RAP1GDS1: variants seen among roughly 807,000 people sequenced by gnomAD.
RAP1GDS1 encodes the protein RAP1, GTP-GDP dissociation stimulator 1.
In RAP1GDS1, 35 loss-of-function variants were observed where a neutral mutation model predicts 71.1. That is an observed-to-expected ratio of 0.49 (90% CI 0.38 to 0.65). The LOEUF is 0.65. RAP1GDS1 is among the 30% of genes least tolerant of loss of function. The pLI is 0.00. For missense variants in RAP1GDS1, 663 were observed against 706.1 expected, an observed-to-expected ratio of 0.94 and a Z score of 0.69; for synonymous variants, 229 against 243.1, an observed-to-expected ratio of 0.94 and a Z score of 0.54.
chr4:98,332,973 G>A lies in RAP1GDS1; in HGVS notation c.113-10166G>A, dbSNP rs544280336. Among the ~76,000 whole-genome samples the A allele has an allele frequency of 2.0e-5, 3 of 152,158 alleles. No individual in the cohort carries two copies. The South Asian group carries it at 6.2e-4, about 32-fold the overall frequency. ...GCATAGACCTTTGACAACATGCTTA[G>A]ACTTTTTGTTTTGTCCTATATGTCC... On this transcript the variant is annotated intron_variant, in intron 2 of 14. Coordinates refer to ENST00000408927, the MANE Select transcript of RAP1GDS1 (RefSeq NM_001100427.2).
At position 98,410,345 on chromosome 4, in the gene RAP1GDS1, G is replaced by A. The variant is rs79409977; in HGVS notation, c.763+5743G>A. On this transcript the variant is annotated intron_variant, in intron 7 of 14. Coordinates refer to ENST00000408927, the MANE Select transcript of RAP1GDS1 (RefSeq NM_001100427.2). ...ATAGATATGAAAATGTTCACTCTTA[G>A]GTAACACAAAATAAAACCACAATAA... Among the ~76,000 whole-genome samples, 1,389 of 152,120 alleles carry A rather than the reference G, an allele frequency of 9.1e-3. 23 individuals are homozygous for A. Among genetic ancestry groups the A allele is most frequent in the African/African-American group, 0.032 (1,319 of 41,504 alleles).
At chr4:98,321,934 G>A (rs374634593) in intron 2 of RAP1GDS1, among the ~76,000 whole-genome samples, 1 of 10,944 alleles carries the variant, frequency 9.1e-5, no homozygotes, top group Non-Finnish European at 2.0e-4. Context: ...AACTTTAAAT[G>A]TAAATGGACT....
intron 4 of RAP1GDS1, among the ~76,000 whole-genome samples, chr4:98,375,679 A>G (rs1047767825): frequency 9.9e-5 from 15 of 152,176 alleles, no homozygotes; most frequent in African/African-American, 3.6e-4. Flanking sequence ...ACAAAGTCCA[A>G]CGTATGTGTG....
intron 1 of RAP1GDS1, among the ~76,000 whole-genome samples, chr4:98,279,272 A>AT (rs1724701393): frequency 6.6e-6 from 1 of 151,910 alleles, no homozygotes. Context: ...GGGCCACTAT[A>AT]TTTTTTCTAA....
chr4:98,337,213 G>A (rs1734831239), intron 2 of RAP1GDS1, among the ~76,000 whole-genome samples: 1 of 152,048 alleles, frequency 6.6e-6, no homozygotes, highest in Non-Finnish European at 1.5e-5. Flanking sequence ...GTTTCAGCCT[G>A]CTTCATTCTT....
At chr4:98,281,572 C>A (rs1393569922) in intron 1 of RAP1GDS1, among the ~76,000 whole-genome samples, 1 of 152,158 alleles carries the variant, frequency 6.6e-6, no homozygotes, top group African/African-American at 2.4e-5. Flanking sequence ...AATTTGACTT[C>A]CTCTTTTCCT....
intron 2 of RAP1GDS1, among the ~76,000 whole-genome samples, chr4:98,335,611 ACTTAT>A (rs767748373): frequency 6.6e-6 from 1 of 152,052 alleles, no homozygotes; most frequent in Non-Finnish European, 1.5e-5. Flanking sequence ...TTTTAAAAAA[ACTTAT>A]CTTTGAATGT....
At chr4:98,349,586 G>A (rs537461259) in intron 3 of RAP1GDS1, among the ~76,000 whole-genome samples, 26 of 152,186 alleles carry the variant, frequency 1.7e-4, no homozygotes, top group African/African-American at 6.0e-4. Flanking sequence ...ATACTGATTC[G>A]TCCTATCCAC....
At chr4:98,347,347 A>G (rs900441332) in intron 3 of RAP1GDS1, among the ~76,000 whole-genome samples, 3 of 152,226 alleles carry the variant, frequency 2.0e-5, no homozygotes, top group African/African-American at 4.8e-5. Context: ...TAAATTTACA[A>G]AAGAATAAAA....
chr4:98,345,375 A>C (rs982647432), intron 3 of RAP1GDS1, among the ~76,000 whole-genome samples: 3 of 152,240 alleles, frequency 2.0e-5, no homozygotes, highest in African/African-American at 7.2e-5. Flanking sequence ...GCACAAAAAG[A>C]ATCTTTAAAA....
At chr4:98,336,315 C>T (rs1734719135) in intron 2 of RAP1GDS1, among the ~76,000 whole-genome samples, 1 of 152,058 alleles carries the variant, frequency 6.6e-6, no homozygotes, top group Non-Finnish European at 1.5e-5. Flanking sequence ...CCATGTAACT[C>T]TTAAATTTTT....
In RAP1GDS1 at chr4:98,416,739, C is replaced by T. The variant is rs776791878; in HGVS notation, c.764-6C>T. The stretch of plus-strand genomic sequence containing the variant: ...GTTTGATTATTTTGTTCACGTTGTT[C>T]TTTAGATGCTATTAAACTACAGCTG... On this transcript the variant is annotated splice_region_variant and splice_polypyrimidine_tract_variant and intron_variant, in intron 7 of 14. Transcript: ENST00000408927. 6.3e-7 allele frequency: 1 copy of T among 1,591,198 alleles called. No individual in the cohort carries two copies. The highest frequency in any genetic ancestry group is 8.6e-7 in the Non-Finnish European group (1 of 1,160,626).
At chr4:98,403,901 T>C (rs1431734534) in intron 6 of RAP1GDS1, among the ~76,000 whole-genome samples, 5 of 152,148 alleles carry the variant, frequency 3.3e-5, no homozygotes, top group Admixed American at 3.3e-4. Flanking sequence ...AAAGCAAAAA[T>C]GAGCTTGAAT....
At chr4:98,294,888 C>T (rs1440490281) in intron 2 of RAP1GDS1, among the ~76,000 whole-genome samples, 1 of 152,054 alleles carries the variant, frequency 6.6e-6, no homozygotes, top group African/African-American at 2.4e-5. Context: ...AATTGAGTAT[C>T]TCAGGTATAT....
chr4:98,302,962 C>A (rs1402045979), intron 2 of RAP1GDS1, among the ~76,000 whole-genome samples: 1 of 151,944 alleles, frequency 6.6e-6, no homozygotes, highest in African/African-American at 2.4e-5. Context: ...ATGAGAATTG[C>A]TTGAGCCCGG....
intron 3 of RAP1GDS1, 186 bp downstream of exon 3, chr4:98,343,447 C>T (rs1735783714): frequency 1.5e-6 from 1 of 653,232 alleles, no homozygotes; most frequent in Non-Finnish European, 2.5e-6. Context: ...CATACCTGTC[C>T]CATCTGATAA....
intron 14 of RAP1GDS1, among the ~76,000 whole-genome samples, chr4:98,440,820 C>T (rs552056557): frequency 2.6e-5 from 4 of 152,220 alleles, no homozygotes; most frequent in Non-Finnish European, 4.4e-5. Context: ...CAGGTTCAAG[C>T]GATTCTCCTG....
intron 12 of RAP1GDS1, 126 bp from the exon 13 acceptor site, chr4:98,433,810 G>A: frequency 1.2e-6 from 1 of 828,356 alleles, no homozygotes; most frequent in Non-Finnish European, 1.7e-6. Context: ...AAAAAACTAT[G>A]ATTAAATCAA....
Position 98,272,720 on chromosome 4 carries a change from GC to G in RAP1GDS1, c.4+11152del, listed in dbSNP as rs754270063. Among the ~76,000 whole-genome samples, 6 of 152,098 alleles carry G rather than the reference GC, an allele frequency of 3.9e-5. No homozygotes were observed. In the East Asian group the frequency reaches 1.2e-3, roughly 29 times the overall value. On this transcript the variant is annotated intron_variant, in intron 1 of 14. Coordinates refer to ENST00000408927, the MANE Select transcript of RAP1GDS1 (RefSeq NM_001100427.2). ...ATGACCTTTTTTTGGTGCAAGTTTG[GC>G]TTTGGGAAGTGCTTTGGAGCTTCTT...
Sources: gnomAD v4.1 joint callset for allele counts (sites outside exome capture counted in the v4.1 genomes callset) on GRCh38, gnomAD v4.1.1 for gene constraint, MANE v1.5 for transcripts, NCBI Gene and HGNC (gene_info 2026-07-23, HGNC 2026-07-21) for gene names.